The following ADGRE5 variants were observed in gnomAD, a reference collection of about 807,000 sequenced individuals.
ADGRE5 encodes adhesion G protein-coupled receptor E5, also known as CD97 molecule.
In ADGRE5, 72 loss-of-function variants were observed where a neutral mutation model predicts 100.3. The observed-to-expected ratio is 0.72, with a 90% CI of 0.59 to 0.87. ADGRE5 has a LOEUF of 0.87. Among genes scored for constraint, ADGRE5 ranks in the 40% least tolerant of loss-of-function variants. ADGRE5 has a pLI of 0.00. For synonymous variants in ADGRE5, 439 were observed against 447.8 expected (o/e 0.98, Z 0.25); for missense variants, 959 against 1,094.7 (o/e 0.88, Z 1.75).
intron 5 of ADGRE5, 80 bp from the exon 6 acceptor site, chr19:14,396,997 A>G (rs1975803699): frequency 3.5e-6 from 5 of 1,443,912 alleles, no homozygotes; most frequent in Non-Finnish European, 4.7e-6. Flanking sequence ...CAATGAAAAG[A>G]TAGGGGAGTG....
Position 14,397,486 on chromosome 19 carries a change from C to T in ADGRE5, c.626-172C>T, listed in dbSNP as rs575845462. On this transcript the variant is annotated intron_variant, in intron 6 of 19. Coordinates refer to ENST00000242786, the MANE Select transcript of ADGRE5 (RefSeq NM_078481.4). ...CGTTTCACCATATTCATAACCTGCT[C>T]ATCTGCACGGGGCCCACCTGCTGTG... The T allele has an allele frequency of 8.3e-5, 52 of 626,490 alleles. No homozygotes were observed. In the African/African-American group the frequency reaches 8.4e-4, roughly 10 times the overall value. The allele number at this position is 626,490 out of a possible 1,614,324, so 38.8% of individuals were successfully genotyped here.
At chr19:14,407,365 T>A (rs995355124) in intron 18 of ADGRE5, 136 bp downstream of exon 18, 10 of 1,032,930 alleles carry the variant, frequency 9.7e-6, no homozygotes, top group East Asian at 2.5e-5. Flanking sequence ...TACAAAAAAA[T>A]TCAAAGATAG....
rs201252978 is a variant in ADGRE5 at position 14,406,360 on chromosome 19, G to C, written c.1851G>C (p.Gly617=). 14 of 1,579,850 alleles carry C rather than the reference G, an allele frequency of 8.9e-6. No individual in the cohort carries two copies. Among genetic ancestry groups the C allele is most frequent in the African/African-American group, 1.3e-5 (1 of 74,278 alleles). ...QVGLRCRLVA[G]LLHYCFLAAF... ...GGCTGCGCTGCCGCCTGGTGGCCGG[G>C]CTGCTGCACTACTGTTTCCTGGCCG... The change falls in exon 15 of 20, where the codon GGG becomes GGC. Residue 617 remains glycine (G), a synonymous_variant. Transcript: ENST00000242786. This position sits in a 1 kb window ranked among gnomAD's most constrained non-coding sequence, Gnocchi z 6.0.
rs1296236561 is a variant in ADGRE5, at chr19:14,408,142, C to T, written c.*21C>T. The T allele has an allele frequency of 2.5e-6, 4 of 1,611,682 alleles. No individual in the cohort carries two copies. The highest frequency in any genetic ancestry group is 3.4e-6 in the Non-Finnish European group (4 of 1,179,566). On this transcript the variant is annotated 3_prime_UTR_variant, in exon 20 of 20. Transcript: ENST00000242786. The stretch of plus-strand genomic sequence containing the variant: ...TATGAAGGCGCATGGTTCTGGACGG[C>T]CCAGCAGCTCCTGTGGCCACAGCAG...
chr19:14,405,574 A>T (rs1976191980), intron 13 of ADGRE5, 174 bp from the exon 14 acceptor site: 4 of 577,964 alleles, frequency 6.9e-6, no homozygotes, highest in Non-Finnish European at 1.2e-5. Context: ...AAGCACAAAA[A>T]TGTGAAATCC....
At chr19:14,404,307 C>T in intron 12 of ADGRE5, 76 bp from the exon 13 acceptor site, 28 of 1,418,874 alleles carry the variant, frequency 2.0e-5, no homozygotes, top group Non-Finnish European at 2.7e-5. Flanking sequence ...AAGCAGCCCT[C>T]TTAGACTCAG....
rs58411522 is a variant in ADGRE5 at position 14,403,864 on chromosome 19, CTTTTTTTTTTTTTTT to C, written c.1450-504_1450-490del. Among the ~76,000 whole-genome samples, 86 of 74,306 alleles carry C rather than the reference CTTTTTTTTTTTTTTT, an allele frequency of 1.2e-3. 3 individuals are homozygous for C. In the East Asian group the frequency reaches 0.015, roughly 13 times the overall value. The allele number at this position is 74,306 out of a possible 152,430, so 48.7% of individuals were successfully genotyped here. ...TTTATGTCATAATCTGCCTCTCCCA[CTTTTTTTTTTTTTTT>C]TTTTTTTTTTTTTTGAGATGGAGTT... is the stretch of plus-strand genomic sequence containing the variant. On this transcript the variant is annotated intron_variant, in intron 12 of 19. Transcript: ENST00000242786.
chr19:14,387,974 G>T (rs1399376222), intron 1 of ADGRE5, among the ~76,000 whole-genome samples: 1 of 152,024 alleles, frequency 6.6e-6, no homozygotes, highest in Non-Finnish European at 1.5e-5. Context: ...TACTCAGGAG[G>T]CTGAAGCAGG....
chr19:14,391,009 G>A lies in ADGRE5; in HGVS notation c.276G>A (p.Val92=), dbSNP rs768393463. The A allele has an allele frequency of 1.2e-6, 2 of 1,614,228 alleles. No individual in the cohort carries two copies. The highest frequency in any genetic ancestry group is 1.7e-6 in the Non-Finnish European group (2 of 1,180,052). The stretch of plus-strand genomic sequence containing the variant: ...ACACAGAGGGGAGCTACGACTGCGT[G>A]TGCAGCCCGGGATATGAGCCTGTTT... ...CWNTEGSYDC[V]CSPGYEPVSG... Residue 92 remains valine (V), a synonymous_variant, in exon 4 of 20, where the codon GTG becomes GTA. Transcript: ENST00000242786.
chr19:14,383,075 C>T (rs114770399), intron 1 of ADGRE5, among the ~76,000 whole-genome samples: 17,338 of 151,970 alleles, frequency 0.11, 3,288 homozygotes, highest in African/African-American at 0.39. Flanking sequence ...TGGTGGTGTG[C>T]GCCTGTAGTC....
Position 14,405,866 on chromosome 19 carries a change from A to G in ADGRE5, c.1748A>G (p.His583Arg). The G allele has an allele frequency of 6.2e-7, 1 of 1,612,634 alleles. No homozygotes were observed. Among genetic ancestry groups the G allele is most frequent in the Non-Finnish European group, 8.5e-7 (1 of 1,179,938 alleles). Residue 583 changes from histidine (H) to arginine (R), a missense_variant, in exon 14 of 20, where the codon CAC (histidine) becomes CGC (arginine). By Grantham distance (29) the His-to-Arg change is conservative (BLOSUM62 0). Around this residue, in one of 6 missense-constraint regions of ADGRE5, gnomAD observed 428 missense variants for 386.2 expected, o/e 1.11. Coordinates refer to ENST00000242786, the MANE Select transcript of ADGRE5 (RefSeq NM_078481.4). ...RPIQGSRTTI[H>R]LHLCICLFVG... ...ATCCAGGGCTCGCGCACCACCATAC[A>G]CCTGCACCTCTGCATCTGCCTCTTC...
At chr19:14,398,669 T>A in intron 9 of ADGRE5, among the ~76,000 whole-genome samples, 1 of 115,822 alleles carries the variant, frequency 8.6e-6, no homozygotes, top group East Asian at 2.5e-4. Flanking sequence ...AGCCAGACTC[T>A]GTCTCAAAAA....
chr19:14,385,597 G>A (rs1314845968), intron 1 of ADGRE5, among the ~76,000 whole-genome samples: 1 of 152,034 alleles, frequency 6.6e-6, no homozygotes, highest in South Asian at 2.1e-4. Context: ...CCCAACAGGC[G>A]GCTACAGCGT....
chr19:14,408,007 C>A lies in ADGRE5; in HGVS notation c.2476C>A (p.Arg826=), dbSNP rs149296823. 2.2e-5 allele frequency: 36 copies of A among 1,613,996 alleles called. No homozygotes were observed. The highest frequency in any genetic ancestry group is 8.3e-5 in the Admixed American group (5 of 60,004). The change falls in exon 19 of 20, where the codon CGG becomes AGG. Residue 826 remains arginine (R), a splice_region_variant and synonymous_variant. Transcript: ENST00000242786. ...GTCTGGCACTGGCCACAATCAGACC[C>A]GGGTAAGGGGCTGCGCCTGGGGCGG... The part of the protein sequence containing the change: ...TTSGTGHNQT[R]ALRASESGI
chr19:14,404,915 G>C (rs1163559934), intron 13 of ADGRE5: 1 of 266,136 alleles, frequency 3.8e-6, no homozygotes, highest in African/African-American at 2.4e-5. Context: ...GTTGGAGTAT[G>C]GTGGCACAAT....
chr19:14,406,590 G>C lies in ADGRE5; in HGVS notation c.2048+33G>C. 1 of 1,604,442 alleles carries C rather than the reference G, an allele frequency of 6.2e-7. No individual in the cohort carries two copies. Among genetic ancestry groups the C allele is most frequent in the Non-Finnish European group, 8.5e-7 (1 of 1,173,190 alleles). On this transcript the variant is annotated intron_variant, in intron 15 of 19. Coordinates refer to ENST00000242786, the MANE Select transcript of ADGRE5 (RefSeq NM_078481.4). This position sits in a 1 kb window ranked among gnomAD's most constrained non-coding sequence, Gnocchi z 6.0. ...CAGCGAGATGGGGCAGGAGGAAGGC[G>C]GGGTGCTGGGCCTGGGGCTCACAGG...
rs116411115 is a variant in ADGRE5 at position 14,406,086 on chromosome 19, G to A, written c.1821+147G>A. The A allele has an allele frequency of 2.6e-6, 2 of 755,346 alleles. No homozygotes were observed. Among genetic ancestry groups the A allele is most frequent in the Admixed American group, 3.0e-5 (1 of 33,688 alleles). The allele number at this position is 755,346 out of a possible 1,614,324, so 46.8% of individuals were successfully genotyped here. A position where few individuals can be genotyped will look rare whatever the true frequency, so the allele number is the denominator to read the frequency against. On this transcript the variant is annotated intron_variant, in intron 14 of 19. Transcript: ENST00000242786. The surrounding 1 kb of genome is among the most constrained non-coding windows in gnomAD (Gnocchi z 6.0). ...TGTCCGGGATCTGGCCCCGCCCACC[G>A]GGGGGTCGGGTTGTCTCTTTAAAGG...
intron 9 of ADGRE5, among the ~76,000 whole-genome samples, chr19:14,398,605 G>T (rs1975880212): frequency 6.6e-6 from 1 of 150,522 alleles, no homozygotes. Context: ...AACCTGGGAG[G>T]TGGAGCTTGC....
At chr19:14,384,845 T>C (rs1975279372) in intron 1 of ADGRE5, among the ~76,000 whole-genome samples, 1 of 151,408 alleles carries the variant, frequency 6.6e-6, no homozygotes. Flanking sequence ...GTCTCCTCTG[T>C]CTTATATTTC....
Sources: allele counts gnomAD v4.1 joint callset (sites outside exome capture counted in the v4.1 genomes callset), GRCh38; gene constraint gnomAD v4.1.1; regional missense constraint gnomAD v4.1.1; non-coding constraint Gnocchi (gnomAD v3.1); transcripts MANE v1.5; gene names NCBI Gene and HGNC (gene_info 2026-07-23, HGNC 2026-07-21).